NOS2: variants seen among roughly 807,000 people sequenced by gnomAD.
The protein encoded by NOS2 is nitric oxide synthase, inducible.
NOS2 carries 96 observed loss-of-function variants against 136.0 expected under a neutral mutation model. The observed-to-expected ratio is 0.71, with a 90% CI of 0.60 to 0.84. The LOEUF (loss-of-function observed/expected upper bound fraction) is 0.84, where lower values mean the gene tolerates loss of function less well. NOS2 is among the 40% of genes least tolerant of loss of function. The pLI is 0.00. For synonymous variants in NOS2, 539 were observed against 587.5 expected, an observed-to-expected ratio of 0.92 and a Z score of 1.20; for missense variants, 1,237 against 1,496.9, an observed-to-expected ratio of 0.83 and a Z score of 2.87.
At chr17:27,790,536 T>G (rs1307610715) in intron 2 of NOS2, among the ~76,000 whole-genome samples, 1 of 152,152 alleles carries the variant, frequency 6.6e-6, no homozygotes, top group East Asian at 1.9e-4. Context: ...CCATGGGCCC[T>G]TCACCCAGAT....
chr17:27,766,958 G>A lies in NOS2; in HGVS notation c.2168-370C>T, dbSNP rs552417550. Among the ~76,000 whole-genome samples the A allele has an allele frequency of 7.0e-5, 9 of 127,776 alleles. No homozygotes were observed. In the South Asian group the frequency reaches 1.0e-3, roughly 14 times the overall value. 83.8% of individuals were successfully genotyped at this position (127,776 alleles called of 152,430 possible). ...GGAGGTTGCAGTAAGCGGGAATCGCGCCACTGCACTCCAGCCTGGACGACA... is the reference window on the plus strand; with the variant it reads ...GGAGGTTGCAGTAAGCGGGAATCGCACCACTGCACTCCAGCCTGGACGACA... On this transcript the variant is annotated intron_variant, in intron 18 of 26. Transcript: ENST00000313735.
Position 27,782,847 on chromosome 17 carries a change from A to T in NOS2, c.630+97T>A, listed in dbSNP as rs2142518736. On this transcript the variant is annotated intron_variant, in intron 6 of 26. Coordinates refer to ENST00000313735, the MANE Select transcript of NOS2 (RefSeq NM_000625.4). ...GATCCAGGGCCATGGCTTCAGTCCCAGGAGGCCTGGGCACAGCTCTGTGTG... is the reference window on the plus strand; with the variant it reads ...GATCCAGGGCCATGGCTTCAGTCCCTGGAGGCCTGGGCACAGCTCTGTGTG... 5.6e-6 allele frequency: 7 copies of T among 1,241,730 alleles called. 1 individual carries two copies. The South Asian group carries it at 8.3e-5, about 15-fold the overall frequency. 76.9% of individuals were successfully genotyped at this position (1,241,730 alleles called of 1,614,324 possible). A position where few individuals can be genotyped will look rare whatever the true frequency, so the allele number is the denominator to read the frequency against.
intron 16 of NOS2, 127 bp from the exon 17 acceptor site, chr17:27,769,278 C>CAGAAGGGGGTCCAGCT: frequency 1.0e-6 from 1 of 984,008 alleles, no homozygotes; most frequent in Non-Finnish European, 1.5e-6. Flanking sequence ...GGAGCTGGAC[C>CAGAAGGGGGTCCAGCT]CCCTTCTGGT....
At chr17:27,760,528 G>T in intron 24 of NOS2, 95 bp downstream of exon 24, 2 of 1,507,780 alleles carry the variant, frequency 1.3e-6, no homozygotes, top group South Asian at 1.2e-5. Flanking sequence ...CTTCCCTCGA[G>T]AGAGGTCAGG....
At chr17:27,795,232 T>G (rs1909319647) in intron 2 of NOS2, among the ~76,000 whole-genome samples, 1 of 152,230 alleles carries the variant, frequency 6.6e-6, no homozygotes, top group Non-Finnish European at 1.5e-5. Flanking sequence ...TCTTGAACAG[T>G]GCAGCACACA....
chr17:27,770,251 G>A (rs528056899), intron 15 of NOS2, among the ~76,000 whole-genome samples: 8 of 152,170 alleles, frequency 5.3e-5, no homozygotes, highest in Non-Finnish European at 1.5e-5. Context: ...AGGCTGAGGC[G>A]GGCGGATCAC....
chr17:27,793,701 G>A (rs1034136375), intron 2 of NOS2: 7 of 394,734 alleles, frequency 1.8e-5, no homozygotes, highest in Non-Finnish European at 2.7e-5. Context: ...GCATGGCCCG[G>A]CTCCTTAGGC....
chr17:27,763,603 T>C (rs1908206232), intron 21 of NOS2, among the ~76,000 whole-genome samples: 1 of 152,230 alleles, frequency 6.6e-6, no homozygotes, highest in African/African-American at 2.4e-5. Flanking sequence ...CAGCTCTCCA[T>C]CTGTCACTCT....
At chr17:27,792,433 T>C (rs1399858759) in intron 2 of NOS2, among the ~76,000 whole-genome samples, 1 of 152,230 alleles carries the variant, frequency 6.6e-6, no homozygotes. Context: ...CCTTTCATAA[T>C]TGGACAATTC....
At chr17:27,782,193 T>C in intron 6 of NOS2, 87 bp from the exon 7 acceptor site, 4 of 1,178,368 alleles carry the variant, frequency 3.4e-6, no homozygotes, top group South Asian at 2.6e-5. Context: ...GAATCAATAG[T>C]GCAGCCGAAA....
At chr17:27,768,026 T>C (rs970133564) in intron 17 of NOS2, among the ~76,000 whole-genome samples, 189 bp from the exon 18 acceptor site, 1 of 152,212 alleles carries the variant, frequency 6.6e-6, no homozygotes, top group Non-Finnish European at 1.5e-5. Flanking sequence ...TGGCACATAG[T>C]AGCTATTGCT....
rs1908220479 is a variant in NOS2, at chr17:27,764,073, T to C, written c.2500A>G (p.Ile834Val). 1.9e-6 allele frequency: 3 copies of C among 1,612,212 alleles called. No individual in the cohort carries two copies. Among genetic ancestry groups the C allele is most frequent in the Non-Finnish European group, 2.5e-6 (3 of 1,179,190 alleles). The change falls in exon 21 of 27, where the codon ATC becomes GTC. Residue 834 changes from isoleucine to valine, a missense_variant. Physicochemically the swap from Ile to Val is conservative, Grantham distance 29. Coordinates refer to ENST00000313735, the MANE Select transcript of NOS2 (RefSeq NM_000625.4). Reference sequence around the variant, plus strand: ...AGCAGCTGGGTTGGGGGTGTGGTGATGTCCAGGAAGTAGGTGAGGGCCTGG... The same window carrying C: ...AGCAGCTGGGTTGGGGGTGTGGTGACGTCCAGGAAGTAGGTGAGGGCCTGG... Reference protein sequence around the residue: ...LSQALTYFLDITTPPTQLLLQ... With the variant: ...LSQALTYFLDVTTPPTQLLLQ...
At chr17:27,782,128 A>C in intron 6 of NOS2, 22 bp from the exon 7 acceptor site, 3 of 1,609,918 alleles carry the variant, frequency 1.9e-6, no homozygotes, top group Non-Finnish European at 2.5e-6. Context: ...CATCCAGACC[A>C]TGCCCATCAA....
intron 19 of NOS2, 54 bp downstream of exon 19, chr17:27,766,456 C>A (rs560724765): frequency 2.1e-6 from 3 of 1,421,708 alleles, no homozygotes; most frequent in South Asian, 1.1e-5. Context: ...ATCTTTCATT[C>A]GTTAAAATAA....
rs1318339172 is a variant in NOS2 at position 27,772,313 on chromosome 17, G to A, written c.1699C>T (p.Pro567Ser). 4 of 1,614,028 alleles carry A rather than the reference G, an allele frequency of 2.5e-6. No individual in the cohort carries two copies. The highest frequency in any genetic ancestry group is 3.4e-6 in the Non-Finnish European group (4 of 1,180,034). ...LGALFSCAFN[P>S]KVVCMDKYRL... ...CCATCCCACTGAGCCAGTACCTTGG[G>A]GTTGAAGGCACAGCTGAATAAGGCC... Residue 567 changes from proline to serine, a missense_variant, in exon 14 of 27, where the codon CCC (proline) becomes TCC (serine). Pro to Ser is a moderately conservative substitution (Grantham distance 74). Coordinates refer to ENST00000313735, the MANE Select transcript of NOS2 (RefSeq NM_000625.4).
chr17:27,767,440 G>A (rs1265229345), intron 18 of NOS2, among the ~76,000 whole-genome samples: 4 of 152,242 alleles, frequency 2.6e-5, no homozygotes, highest in Non-Finnish European at 5.9e-5. Flanking sequence ...ATGTGGGCCA[G>A]GAGCCCCGCA....
At chr17:27,759,300 C>T (rs1463739633) in intron 25 of NOS2, among the ~76,000 whole-genome samples, 1 of 152,128 alleles carries the variant, frequency 6.6e-6, no homozygotes, top group East Asian at 1.9e-4. Flanking sequence ...GTCCTGCCCT[C>T]GAGGGGCTGA....
chr17:27,776,006 C>T (rs1179752261), intron 11 of NOS2, among the ~76,000 whole-genome samples: 1 of 152,162 alleles, frequency 6.6e-6, no homozygotes. Flanking sequence ...GTCATTTTCA[C>T]ACGGCCTGAT....
chr17:27,787,819 G>A lies in NOS2; in HGVS notation c.326C>T (p.Thr109Ile). 2 of 1,610,000 alleles carry A rather than the reference G, an allele frequency of 1.2e-6. No homozygotes were observed. Among genetic ancestry groups the A allele is most frequent in the Middle Eastern group, 3.4e-4 (2 of 5,910 alleles). ...TLHHKAKGIL[T>I]CRSKSCLGSI... The stretch of plus-strand genomic sequence containing the variant: ...CCCCAGGCAAGATTTGGACCTGCAA[G>A]TTAAAATCTGGAAAGAGAGAGGCAG... The change falls in exon 5 of 27, where the codon ACT (threonine) becomes ATT (isoleucine). Residue 109 changes from threonine (T) to isoleucine (I), a missense_variant. By Grantham distance (89) the Thr-to-Ile change is moderately conservative (BLOSUM62 -1). Transcript: ENST00000313735.
Sources: gnomAD v4.1 joint callset for allele counts (sites outside exome capture counted in the v4.1 genomes callset) on GRCh38, gnomAD v4.1.1 for gene constraint, MANE v1.5 for transcripts, NCBI Gene and HGNC (gene_info 2026-07-23, HGNC 2026-07-21) for gene names.